The following TUSC3 variants were observed in gnomAD, a reference collection of about 807,000 sequenced individuals.
TUSC3 encodes the protein tumor suppressor candidate 3.
TUSC3 carries 45 observed loss-of-function variants against 44.8 expected under a neutral mutation model. The observed-to-expected ratio is 1.00, with a 90% CI of 0.79 to 1.29. TUSC3 has a LOEUF of 1.29. TUSC3 is among the 50% of genes most tolerant of loss of function. TUSC3 has a pLI of 0.00. For synonymous variants in TUSC3, 212 were observed against 152.9 expected (o/e 1.39, Z -2.85); for missense variants, 519 against 437.9 (o/e 1.19, Z -1.65).
chr8:15,456,175 A>G (rs1344818178), intron 1 of TUSC3, among the ~76,000 whole-genome samples: 1 of 152,068 alleles, frequency 6.6e-6, no homozygotes, highest in Non-Finnish European at 1.5e-5. Context: ...CTCTAACTTC[A>G]CAGCCTTCAA....
At chr8:15,481,926 A>C (rs941042523) in intron 1 of TUSC3, among the ~76,000 whole-genome samples, 2 of 152,168 alleles carry the variant, frequency 1.3e-5, no homozygotes, top group Non-Finnish European at 2.9e-5. Flanking sequence ...CTCTCATGAA[A>C]GACTTCTCCA....
chr8:15,725,920 A>G (rs1257594163), intron 6 of TUSC3, among the ~76,000 whole-genome samples: 4 of 152,068 alleles, frequency 2.6e-5, no homozygotes, highest in African/African-American at 9.7e-5. Context: ...TGATTAAGTA[A>G]CAACTACTTC....
At chr8:15,580,283 T>C in intron 1 of TUSC3, among the ~76,000 whole-genome samples, 1 of 11,926 alleles carries the variant, frequency 8.4e-5, no homozygotes. Flanking sequence ...TTTGCCAGTC[T>C]GTGTCTTTTA....
At chr8:15,523,368 A>T (rs1801323350) in intron 2 of TUSC3, among the ~76,000 whole-genome samples, 1 of 151,986 alleles carries the variant, frequency 6.6e-6, no homozygotes, top group Non-Finnish European at 1.5e-5. Flanking sequence ...ACCATTTCCC[A>T]CTATGTGATG....
At position 15,448,117 on chromosome 8, in the gene TUSC3, A is replaced by ATATATATATATATATATTTATT. The variant is rs1276079521; in HGVS notation, n.91+30815_91+30816insATATATATATATATTTATTTAT. On this transcript the variant is annotated intron_variant and non_coding_transcript_variant, in intron 1 of 5. Coordinates refer to the TUSC3 transcript ENST00000503191. Reference sequence around the variant, plus strand: ...TATGGTAGTGTATATACATATATATATATTTATTTATTTATTTTTTAGATG... The same window carrying ATATATATATATATATATTTATT: ...TATGGTAGTGTATATACATATATATATATATATATATATATATTTATTTATTTATTTATTTATTTTTTAGATG... 9.4e-3 allele frequency among the ~76,000 whole-genome samples: 882 copies of ATATATATATATATATATTTATT among 93,726 alleles called. 33 individuals carry two copies. Among genetic ancestry groups the ATATATATATATATATATTTATT allele is most frequent in the South Asian group, 0.059 (148 of 2,500 alleles). The allele number at this position is 93,726 out of a possible 152,430, so 61.5% of individuals were successfully genotyped here. A position where few individuals can be genotyped will look rare whatever the true frequency, so the allele number is the denominator to read the frequency against.
chr8:15,420,503 GAAAA>G (rs879409025), intron 1 of TUSC3, among the ~76,000 whole-genome samples: 1 of 144,032 alleles, frequency 6.9e-6, no homozygotes, highest in Non-Finnish European at 1.5e-5. Context: ...GTCTCATAAA[GAAAA>G]AAAAAAAGTT....
the TUSC3 span, among the ~76,000 whole-genome samples, chr8:15,825,828 T>C: frequency 6.6e-6 from 1 of 152,054 alleles, no homozygotes; most frequent in Non-Finnish European, 1.5e-5. Context: ...CTCTTAACTG[T>C]ATGGTAATTC....
chr8:15,726,872 G>C (rs912499050), intron 6 of TUSC3, among the ~76,000 whole-genome samples: 1 of 152,046 alleles, frequency 6.6e-6, no homozygotes, highest in Non-Finnish European at 1.5e-5. Context: ...TTATATTAAT[G>C]GTTTCTCAAA....
chr8:15,482,848 A>G (rs566482666), intron 1 of TUSC3, among the ~76,000 whole-genome samples: 43 of 152,352 alleles, frequency 2.8e-4, no homozygotes, highest in African/African-American at 7.5e-4. Flanking sequence ...GTATGATAGA[A>G]TACATGACTT....
chr8:15,565,327 A>C (rs1802626345), intron 1 of TUSC3, among the ~76,000 whole-genome samples: 2 of 152,056 alleles, frequency 1.3e-5, no homozygotes, highest in Admixed American at 1.3e-4. Context: ...TTTTGGATCT[A>C]CCTGGCTAAT....
chr8:15,505,247 C>T (rs557679778), intron 2 of TUSC3, among the ~76,000 whole-genome samples: 1 of 152,190 alleles, frequency 6.6e-6, no homozygotes, highest in South Asian at 2.1e-4. Context: ...ATGATCCTTC[C>T]AAACAAGAAG....
chr8:15,733,081 C>G (rs1810787476), intron 7 of TUSC3, among the ~76,000 whole-genome samples: 1 of 152,144 alleles, frequency 6.6e-6, no homozygotes. Context: ...TCAGTTTCTG[C>G]ACACCTGCTT....
chr8:15,842,138 C>A, the TUSC3 span, among the ~76,000 whole-genome samples: 2 of 152,028 alleles, frequency 1.3e-5, no homozygotes, highest in African/African-American at 4.8e-5. Context: ...AACACAAAAC[C>A]TTCTTCTTGG....
chr8:15,528,423 TGAAAG>T (rs1443003719), intron 2 of TUSC3, among the ~76,000 whole-genome samples: 2 of 152,194 alleles, frequency 1.3e-5, no homozygotes, highest in African/African-American at 4.8e-5. Context: ...AGAGAATAAT[TGAAAG>T]GAAGCCAAGT....
the TUSC3 span, among the ~76,000 whole-genome samples, chr8:15,846,981 G>C: frequency 6.6e-6 from 1 of 151,840 alleles, no homozygotes; most frequent in Admixed American, 6.6e-5. Context: ...CTAACTCTCA[G>C]ACTCACAAGC....
At chr8:15,478,167 T>G (rs1405599079) in intron 1 of TUSC3, among the ~76,000 whole-genome samples, 1 of 152,028 alleles carries the variant, frequency 6.6e-6, no homozygotes, top group African/African-American at 2.4e-5. Context: ...TAAAAGACCA[T>G]GTGGGCCAGG....
In TUSC3 at chr8:15,746,222, A is replaced by G. The variant is rs73530229; in HGVS notation, c.938-2153A>G. On this transcript the variant is annotated intron_variant, in intron 8 of 10. Transcript: ENST00000503731. The stretch of plus-strand genomic sequence containing the variant: ...AAATCTTACAATATTTATTGTAGCA[A>G]TATGATACTCAATTTATTAAATCAC... 2.6e-3 allele frequency among the ~76,000 whole-genome samples: 396 copies of G among 152,210 alleles called. 1 individual carries two copies. Among genetic ancestry groups the G allele is most frequent in the African/African-American group, 9.1e-3 (378 of 41,528 alleles).
intron 2 of TUSC3, among the ~76,000 whole-genome samples, chr8:15,488,501 C>T (rs1392995151): frequency 6.6e-6 from 1 of 152,016 alleles, no homozygotes; most frequent in Non-Finnish European, 1.5e-5. Context: ...GACCCTCTCT[C>T]AAAAATAAAC....
Position 15,659,522 on chromosome 8 carries a change from G to T in TUSC3, c.442G>T (p.Ala148Ser). The change falls in exon 4 of 11, where the codon GCT becomes TCT. Residue 148 changes from alanine to serine, a missense_variant. By Grantham distance (99) the Ala-to-Ser change is moderately conservative. Transcript: ENST00000503731. ...TGTTTTACAGCTCAACATGAACTCT[G>T]CTCCTACATTCATGCATTTTCCTCC... Reference protein sequence around the residue: ...DVFQQLNMNSAPTFMHFPPKG... With the variant: ...DVFQQLNMNSSPTFMHFPPKG... 1 of 1,612,664 alleles carries T rather than the reference G, an allele frequency of 6.2e-7. No individual in the cohort carries two copies. The highest frequency in any genetic ancestry group is 8.5e-7 in the Non-Finnish European group (1 of 1,179,560).
Sources: gnomAD v4.1 joint callset for allele counts (sites outside exome capture counted in the v4.1 genomes callset) on GRCh38, gnomAD v4.1.1 for gene constraint, MANE v1.5 for transcripts, NCBI Gene and HGNC (gene_info 2026-07-23, HGNC 2026-07-21) for gene names.